The following DARS1 variants were observed in gnomAD, a reference collection of about 807,000 sequenced individuals.
DARS1 encodes the protein aspartyl-tRNA synthetase 1.
Under a neutral mutation model 68.8 loss-of-function variants are expected in DARS1, and 51 were observed. The ratio of observed to expected loss-of-function variants is 0.74; its 90% CI spans 0.59 to 0.94. The LOEUF is 0.94. Ranked by LOEUF, DARS1 falls within the 40% of genes least tolerant of loss-of-function variation. The pLI is 0.00. For missense variants in DARS1, 607 were observed against 597.3 expected (o/e 1.02, Z -0.17); for synonymous variants, 203 against 190.4 (o/e 1.07, Z -0.55).
At chr2:135,915,293 T>C (rs556563511) in intron 11 of DARS1, among the ~76,000 whole-genome samples, 5 of 152,276 alleles carry the variant, frequency 3.3e-5, no homozygotes, top group African/African-American at 1.2e-4. Context: ...GTTTTGTTTA[T>C]TTATTTTTTA....
In DARS1 at chr2:135,934,007, A is replaced by G. The variant is rs1304051239; in HGVS notation, c.424-17T>C. The G allele has an allele frequency of 6.2e-7, 1 of 1,607,590 alleles. No individual in the cohort carries two copies. Among genetic ancestry groups the G allele is most frequent in the South Asian group, 1.1e-5 (1 of 90,234 alleles). ...CACATAAATCTGTAAGTGAGAGATTACCAAAAATAGTAGAAAGCACACAAA... is the reference window on the plus strand; with the variant it reads ...CACATAAATCTGTAAGTGAGAGATTGCCAAAAATAGTAGAAAGCACACAAA... On this transcript the variant is annotated splice_polypyrimidine_tract_variant and intron_variant, in intron 5 of 15. Transcript: ENST00000264161.
chr2:135,978,084 A>G (rs1483802559), intron 3 of DARS1, among the ~76,000 whole-genome samples: 1 of 141,280 alleles, frequency 7.1e-6, no homozygotes, highest in African/African-American at 2.6e-5. Flanking sequence ...CAGAGATTGC[A>G]GTGAGCCGAG....
At position 135,985,572 on chromosome 2, in the gene DARS1, T is replaced by G; in HGVS notation, c.-104A>C. On this transcript the variant is annotated 5_prime_UTR_variant, in exon 1 of 16. Transcript: ENST00000264161. Reference sequence around the variant, plus strand: ...CTCCCAGTCTCCGCCCTCCCGACCCTGGGGTCTCAGCACACGCGCTCGGAC... The same window carrying G: ...CTCCCAGTCTCCGCCCTCCCGACCCGGGGGTCTCAGCACACGCGCTCGGAC... 6.3e-7 allele frequency: 1 copy of G among 1,587,756 alleles called. No individual in the cohort carries two copies. The highest frequency in any genetic ancestry group is 8.6e-7 in the Non-Finnish European group (1 of 1,166,912).
At chr2:135,944,822 C>T (rs1387239434) in intron 4 of DARS1, among the ~76,000 whole-genome samples, 1 of 152,174 alleles carries the variant, frequency 6.6e-6, no homozygotes, top group Non-Finnish European at 1.5e-5. Context: ...AATCTATCTT[C>T]AATTTGACTG....
chr2:135,981,363 C>T (rs1387156006), intron 2 of DARS1, among the ~76,000 whole-genome samples: 2 of 152,076 alleles, frequency 1.3e-5, no homozygotes, highest in African/African-American at 4.8e-5. Flanking sequence ...GAATATCATC[C>T]CCTATACTCT....
At position 135,933,930 on chromosome 2, in the gene DARS1, G is replaced by A. The variant is rs149170955; in HGVS notation, c.484C>T (p.Pro162Ser). The change falls in exon 6 of 16, where the codon CCT (proline) becomes TCT (serine). Residue 162 changes from proline (P) to serine (S), a missense_variant. Coordinates refer to ENST00000264161, the MANE Select transcript of DARS1 (RefSeq NM_001349.4). ...TTTACCTCTTCTCCTTCTGCCTCAG[G>A]CCGAACAGCATCATCCAGCTGCAGG... is the stretch of plus-strand genomic sequence containing the variant. ...LPLQLDDAVR[P>S]EAEGEEEGRA... is the part of the protein sequence containing the mutation. 2.2e-3 allele frequency: 3,537 copies of A among 1,613,328 alleles called. 10 individuals are homozygous for A. The highest frequency in any genetic ancestry group is 2.4e-3 in the Non-Finnish European group (2,788 of 1,179,460).
At chr2:135,946,139 G>C (rs1236931611) in intron 4 of DARS1, among the ~76,000 whole-genome samples, 1 of 152,172 alleles carries the variant, frequency 6.6e-6, no homozygotes, top group Non-Finnish European at 1.5e-5. Context: ...GTCAAAACAA[G>C]AGAGACAGGA....
intron 4 of DARS1, among the ~76,000 whole-genome samples, chr2:135,959,622 A>G (rs1682058810): frequency 6.6e-6 from 1 of 152,054 alleles, no homozygotes. Context: ...GTCAAGTCCC[A>G]GGAGTTTCTG....
At chr2:135,985,674 C>T (rs1488593734), upstream of DARS1, 23 of 1,308,576 alleles carry the variant, frequency 1.8e-5, no homozygotes, top group Non-Finnish European at 2.3e-5. Flanking sequence ...GGCGGCCGCG[C>T]GCAGGGTCTC....
intron 3 of DARS1, among the ~76,000 whole-genome samples, chr2:135,976,935 C>A (rs1399076593): frequency 1.3e-5 from 2 of 152,152 alleles, no homozygotes; most frequent in African/African-American, 2.4e-5. Flanking sequence ...ACAGCAAGAA[C>A]AAGACCCAGA....
At chr2:135,954,470 C>T (rs772802743) in intron 4 of DARS1, among the ~76,000 whole-genome samples, 14 of 152,200 alleles carry the variant, frequency 9.2e-5, no homozygotes, top group Admixed American at 5.2e-4. Flanking sequence ...TGTGGCTCCA[C>T]GCTTAGTATA....
At chr2:135,914,539 T>G (rs1292746738) in intron 11 of DARS1, 28 bp from the exon 12 acceptor site, 11 of 1,233,504 alleles carry the variant, frequency 8.9e-6, no homozygotes, top group African/African-American at 1.5e-5. Flanking sequence ...AATCAGTGTT[T>G]GAAGATCAAA....
intron 3 of DARS1, among the ~76,000 whole-genome samples, chr2:135,964,237 A>C (rs902877972): frequency 6.6e-6 from 1 of 152,188 alleles, no homozygotes; most frequent in Admixed American, 6.5e-5. Context: ...AAACCACCAA[A>C]ATGTGGCTAC....
At position 135,983,470 on chromosome 2, in the gene DARS1, T is replaced by C. The variant is rs1558804013; in HGVS notation, c.67-16A>G. On this transcript the variant is annotated splice_polypyrimidine_tract_variant and intron_variant, in intron 1 of 15. Transcript: ENST00000264161. ...TAGCATAATCCTACAAAAAAAGTTT[T>C]TTGCATCGTGACTTTTTATGTAAAC... is the stretch of plus-strand genomic sequence containing the variant. The C allele has an allele frequency of 1.1e-6, 1 of 946,768 alleles. No individual in the cohort carries two copies. Among genetic ancestry groups the C allele is most frequent in the East Asian group, 2.5e-5 (1 of 40,700 alleles). The allele number at this position is 946,768 out of a possible 1,614,324, so 58.6% of individuals were successfully genotyped here.
At chr2:135,955,008 TTGATGTATTC>T (rs1681939124) in intron 4 of DARS1, among the ~76,000 whole-genome samples, 1 of 152,018 alleles carries the variant, frequency 6.6e-6, no homozygotes, top group Admixed American at 6.6e-5. Flanking sequence ...ATCCTATATA[TTGATGTATTC>T]TGATTGTCTT....
chr2:135,954,584 G>T (rs1681922585), intron 4 of DARS1, among the ~76,000 whole-genome samples: 1 of 152,126 alleles, frequency 6.6e-6, no homozygotes, highest in South Asian at 2.1e-4. Flanking sequence ...CTGGTACAGG[G>T]ACTAACAGAG....
intron 3 of DARS1, among the ~76,000 whole-genome samples, chr2:135,971,810 G>T (rs774440515): frequency 6.6e-6 from 1 of 151,856 alleles, no homozygotes; most frequent in Non-Finnish European, 1.5e-5. Context: ...AGTGAACAAT[G>T]TGAAAAAGAA....
chr2:135,985,247 C>G, intron 1 of DARS1, 156 bp downstream of exon 1: 2 of 1,256,476 alleles, frequency 1.6e-6, no homozygotes, highest in Non-Finnish European at 2.1e-6. Flanking sequence ...GGCCCCACTG[C>G]TGGGGCAAGG....
chr2:135,920,078 A>T (rs766273583), intron 10 of DARS1, among the ~76,000 whole-genome samples: 2 of 152,190 alleles, frequency 1.3e-5, no homozygotes, highest in Non-Finnish European at 2.9e-5. Context: ...GCTGAATCCA[A>T]CCTCTTACAC....
Sources: allele counts gnomAD v4.1 joint callset (sites outside exome capture counted in the v4.1 genomes callset), GRCh38; gene constraint gnomAD v4.1.1; transcripts MANE v1.5; gene names NCBI Gene and HGNC (gene_info 2026-07-23, HGNC 2026-07-21).